UMAD1: variants seen among roughly 807,000 people sequenced by gnomAD.
The protein encoded by UMAD1 is UBAP1-MVB12-associated (UMA) domain containing 1, also known as UBAP1-MVB12-associated (UMA)-domain containing protein 1.
In UMAD1, 8 loss-of-function variants were observed where a neutral mutation model predicts 6.1. That is an observed-to-expected ratio of 1.30 (90% CI 0.76 to 2.35). The LOEUF is 2.35. UMAD1 is among the 30% of genes most tolerant of loss of function. The pLI is 0.00. For missense variants in UMAD1, 130 were observed against 78.4 expected (o/e 1.66, Z -2.49); for synonymous variants, 56 against 31.4 (o/e 1.78, Z -2.61).
intron 3 of UMAD1, among the ~76,000 whole-genome samples, chr7:7,818,858 C>G (rs953883454): frequency 1.2e-4 from 18 of 152,160 alleles, no homozygotes; most frequent in African/African-American, 4.3e-4. Context: ...AGTTTTTCCT[C>G]TGTTTTTTTG....
chr7:7,735,053 C>T (rs10952069), intron 2 of UMAD1, among the ~76,000 whole-genome samples: 45,134 of 151,842 alleles, frequency 0.3, 7,736 homozygotes, highest in African/African-American at 0.48. Context: ...AATACTTATG[C>T]CTCACAAAAC....
intron 2 of UMAD1, among the ~76,000 whole-genome samples, chr7:7,711,059 T>G (rs1780750221): frequency 6.6e-6 from 1 of 152,132 alleles, no homozygotes; most frequent in African/African-American, 2.4e-5. Context: ...TAGAGGCAAG[T>G]GTGTGTGGCT....
At chr7:7,827,147 A>G (rs7797246) in intron 3 of UMAD1, among the ~76,000 whole-genome samples, 103,337 of 133,832 alleles carry the variant, frequency 0.77, 39,866 homozygotes, top group African/African-American at 0.79. Flanking sequence ...ATATATATAT[A>G]TGTGTGTGTG....
chr7:7,669,026 G>A (rs1045381750), intron 1 of UMAD1, among the ~76,000 whole-genome samples: 3 of 151,928 alleles, frequency 2.0e-5, no homozygotes, highest in Admixed American at 6.5e-5. Flanking sequence ...CCACACAGAC[G>A]TAGGGAGAAT....
At chr7:7,866,163 T>G (rs1368853699) in intron 3 of UMAD1, among the ~76,000 whole-genome samples, 1 of 152,220 alleles carries the variant, frequency 6.6e-6, no homozygotes, top group Non-Finnish European at 1.5e-5. Context: ...CCTAACTTAT[T>G]TAGAAGAAAT....
intron 1 of UMAD1, among the ~76,000 whole-genome samples, chr7:7,669,919 A>T (rs1183287464): frequency 6.6e-6 from 1 of 152,124 alleles, no homozygotes; most frequent in Non-Finnish European, 1.5e-5. Flanking sequence ...AGCCTAAATT[A>T]TCCCTCCTTC....
chr7:7,844,463 T>A (rs1373834577), intron 3 of UMAD1, among the ~76,000 whole-genome samples: 1 of 152,152 alleles, frequency 6.6e-6, no homozygotes, highest in Non-Finnish European at 1.5e-5. Flanking sequence ...TAGTAGGTCC[T>A]CTTAAAGGAG....
intron 2 of UMAD1, among the ~76,000 whole-genome samples, chr7:7,701,582 C>T (rs1386718842): frequency 1.6e-4 from 25 of 152,160 alleles, no homozygotes; most frequent in Admixed American, 1.6e-3. Flanking sequence ...TTTAAATGCT[C>T]TGTGTCTGTG....
At chr7:7,860,286 A>C (rs963394458) in intron 3 of UMAD1, among the ~76,000 whole-genome samples, 18 of 152,188 alleles carry the variant, frequency 1.2e-4, no homozygotes, top group African/African-American at 3.6e-4. Flanking sequence ...AAAAATGTAC[A>C]AATTTATCTT....
intron 2 of UMAD1, among the ~76,000 whole-genome samples, chr7:7,767,934 C>T (rs1782021925): frequency 1.3e-5 from 2 of 152,106 alleles, no homozygotes; most frequent in African/African-American, 4.8e-5. Flanking sequence ...AGCTGTCTTT[C>T]AGATATGTAA....
chr7:7,683,341 C>T (rs1215011388), intron 2 of UMAD1, among the ~76,000 whole-genome samples: 2 of 152,094 alleles, frequency 1.3e-5, no homozygotes, highest in Non-Finnish European at 2.9e-5. Flanking sequence ...GATTTTTTCC[C>T]CCCAGAGTTC....
At chr7:7,693,516 T>C (rs1236995265) in intron 2 of UMAD1, among the ~76,000 whole-genome samples, 2 of 152,220 alleles carry the variant, frequency 1.3e-5, no homozygotes, top group Non-Finnish European at 2.9e-5. Flanking sequence ...TGGATGTCGA[T>C]AGTTCTTTTA....
chr7:7,737,095 G>A (rs1296005232), intron 2 of UMAD1, among the ~76,000 whole-genome samples: 1 of 152,252 alleles, frequency 6.6e-6, no homozygotes, highest in African/African-American at 2.4e-5. Context: ...TTGCGAATCT[G>A]TCGTCTTTTG....
rs188057741 is a variant in UMAD1, at chr7:7,802,000, C to T, written c.156+257C>T. 6.6e-5 allele frequency among the ~76,000 whole-genome samples: 10 copies of T among 152,310 alleles called. No individual in the cohort carries two copies. In the East Asian group the frequency reaches 1.7e-3, roughly 26 times the overall value. ...CAGAAATCAAGTCCTTAAGTTAAAA[C>T]ATTTAAACTATTTTTAATTGAGTGA... is the stretch of plus-strand genomic sequence containing the variant. On this transcript the variant is annotated intron_variant, in intron 3 of 3. Transcript: ENST00000682710.
chr7:7,746,342 A>G (rs1781574563), intron 2 of UMAD1, among the ~76,000 whole-genome samples: 1 of 152,212 alleles, frequency 6.6e-6, no homozygotes, highest in African/African-American at 2.4e-5. Flanking sequence ...GATATAGTTA[A>G]TTAAACAACC....
chr7:7,666,935 G>A (rs953690757), intron 1 of UMAD1, among the ~76,000 whole-genome samples: 1 of 152,134 alleles, frequency 6.6e-6, no homozygotes, highest in African/African-American at 2.4e-5. Flanking sequence ...AGCCTCCTGA[G>A]TAGCTGGGAT....
At position 7,877,886 on chromosome 7, in the gene UMAD1, C is replaced by G. The variant is rs1394474976; in HGVS notation, c.*348C>G. Reference sequence around the variant, plus strand: ...GTGGCATTTTTCAGTCACTACAGCTCCGAAGTCTGAGCAAGAAGTGGGTGT... The same window carrying G: ...GTGGCATTTTTCAGTCACTACAGCTGCGAAGTCTGAGCAAGAAGTGGGTGT... On this transcript the variant is annotated 3_prime_UTR_variant, in exon 4 of 4. Coordinates refer to ENST00000682710, the MANE Select transcript of UMAD1 (RefSeq NM_001302348.2). 5.3e-5 allele frequency: 11 copies of G among 209,474 alleles called. No homozygotes were observed. The highest frequency in any genetic ancestry group is 8.7e-5 in the Non-Finnish European group (9 of 103,872). The allele number at this position is 209,474 out of a possible 1,614,324, so 13.0% of individuals were successfully genotyped here.
At chr7:7,855,030 C>G (rs1783989743) in intron 3 of UMAD1, among the ~76,000 whole-genome samples, 1 of 152,236 alleles carries the variant, frequency 6.6e-6, no homozygotes, top group Non-Finnish European at 1.5e-5. Context: ...TGCTTTGACT[C>G]CATGTCTCAT....
Position 7,653,529 on chromosome 7 carries a change from A to G in UMAD1, c.-64+12708A>G, listed in dbSNP as rs528788164. Reference sequence around the variant, plus strand: ...ACAAAAAAAACCTCTTGAAATTAAGATGTTTTCTGACTGAAGTGCATCACG... The same window carrying G: ...ACAAAAAAAACCTCTTGAAATTAAGGTGTTTTCTGACTGAAGTGCATCACG... On this transcript the variant is annotated intron_variant, in intron 1 of 3. Coordinates refer to ENST00000682710, the MANE Select transcript of UMAD1 (RefSeq NM_001302348.2). 3.9e-5 allele frequency among the ~76,000 whole-genome samples: 6 copies of G among 152,340 alleles called. No individual in the cohort carries two copies. The East Asian group carries it at 7.7e-4, about 20-fold the overall frequency.
Sources: allele counts gnomAD v4.1 joint callset (sites outside exome capture counted in the v4.1 genomes callset), GRCh38; gene constraint gnomAD v4.1.1; transcripts MANE v1.5; gene names NCBI Gene and HGNC (gene_info 2026-07-23, HGNC 2026-07-21).